HAUS2: variants seen among roughly 807,000 people sequenced by gnomAD.
HAUS2 encodes the protein HAUS augmin like complex subunit 2, also known as HAUS augmin-like complex subunit 2.
HAUS2 carries 20 observed loss-of-function variants against 21.6 expected under a neutral mutation model. That is an observed-to-expected ratio of 0.93 (90% CI 0.65 to 1.35). The LOEUF (loss-of-function observed/expected upper bound fraction) is 1.35, where lower values mean the gene tolerates loss of function less well. Among genes scored for constraint, HAUS2 ranks in the 40% most tolerant of loss-of-function variants. The probability of loss-of-function intolerance (pLI) is 0.00; values close to 1 mark genes in which losing one functional copy is unlikely to be tolerated. For synonymous variants in HAUS2, 113 were observed against 95.6 expected (o/e 1.18, Z -1.06); for missense variants, 297 against 280.7 (o/e 1.06, Z -0.42).
At chr15:42,561,529 A>G (rs1346013763) in intron 4 of HAUS2, 127 bp downstream of exon 4, 10 of 633,304 alleles carry the variant, frequency 1.6e-5, no homozygotes, top group Non-Finnish European at 2.8e-5. Context: ...ATTAATGGTG[A>G]TATATTAAAT....
At chr15:42,555,053 G>C (rs1301237340) in intron 1 of HAUS2, among the ~76,000 whole-genome samples, 1 of 150,840 alleles carries the variant, frequency 6.6e-6, no homozygotes, top group Admixed American at 6.6e-5. Context: ...GCAATGGCGT[G>C]ATCTCTGCTC....
At chr15:42,559,635 G>A (rs2057828511) in intron 3 of HAUS2, among the ~76,000 whole-genome samples, 1 of 152,154 alleles carries the variant, frequency 6.6e-6, no homozygotes. Flanking sequence ...AGGAGAACTT[G>A]AAAGACAAAG....
chr15:42,552,207 A>G (rs1415522641), intron 1 of HAUS2, among the ~76,000 whole-genome samples: 4 of 152,034 alleles, frequency 2.6e-5, no homozygotes, highest in African/African-American at 9.7e-5. Context: ...AATTTTTAGT[A>G]GAGATGGGGT....
At chr15:42,557,890 G>T (rs2057803962) in intron 1 of HAUS2, among the ~76,000 whole-genome samples, 2 of 152,062 alleles carry the variant, frequency 1.3e-5, no homozygotes, top group Admixed American at 1.3e-4. Context: ...AACAAATTTA[G>T]CCTTTGAATC....
chr15:42,566,813 GTAGTCATCAACTT>G lies in HAUS2; in HGVS notation c.708_*12del, dbSNP rs1166583607. 6.9e-7 allele frequency: 1 copy of G among 1,450,540 alleles called. No homozygotes were observed. Among genetic ancestry groups the G allele is most frequent in the East Asian group, 2.3e-5 (1 of 44,030 alleles). 89.9% of individuals were successfully genotyped at this position (1,450,540 alleles called of 1,614,324 possible). On this transcript the variant is annotated stop_lost and 3_prime_UTR_variant, in exon 6 of 6. Transcript: ENST00000260372. ...TTCATGTCCAAACTATTAATGCCAAGTAGTCATCAACTTTATTTTTGCTTAATTATGTGTAGTC... is the reference window on the plus strand; with the variant it reads ...TTCATGTCCAAACTATTAATGCCAAGTATTTTTGCTTAATTATGTGTAGTC...
At chr15:42,551,755 T>C (rs2057727944) in intron 1 of HAUS2, among the ~76,000 whole-genome samples, 1 of 152,104 alleles carries the variant, frequency 6.6e-6, no homozygotes, top group Non-Finnish European at 1.5e-5. Context: ...TTTCAGGCAT[T>C]GATGGGTGAA....
chr15:42,562,939 C>T (rs2057865692), intron 4 of HAUS2, among the ~76,000 whole-genome samples: 1 of 151,964 alleles, frequency 6.6e-6, no homozygotes, highest in Non-Finnish European at 1.5e-5. Context: ...ATGACAAAAC[C>T]CTGTGTCTAC....
At chr15:42,555,594 T>C (rs2057764756) in intron 1 of HAUS2, among the ~76,000 whole-genome samples, 1 of 152,214 alleles carries the variant, frequency 6.6e-6, no homozygotes, top group Non-Finnish European at 1.5e-5. Context: ...TTTTCACATA[T>C]ATGCTAACAC....
chr15:42,552,104 C>A (rs2057731682), intron 1 of HAUS2, among the ~76,000 whole-genome samples: 1 of 151,982 alleles, frequency 6.6e-6, no homozygotes. Flanking sequence ...CTCACTGCAA[C>A]CTCCGCCTCC....
At chr15:42,552,805 C>G (rs181625416) in intron 1 of HAUS2, among the ~76,000 whole-genome samples, 1 of 152,096 alleles carries the variant, frequency 6.6e-6, no homozygotes, top group Non-Finnish European at 1.5e-5. Context: ...GTGTCCTACT[C>G]TCCTCTATAC....
intron 1 of HAUS2, 77 bp downstream of exon 1, chr15:42,549,042 G>T (rs769559137): frequency 1.8e-5 from 17 of 939,620 alleles, no homozygotes; most frequent in Non-Finnish European, 2.5e-5. Context: ...GGTGCTGCTG[G>T]CTGTGGGAGT....
At chr15:42,557,655 AAAG>A (rs1232831007) in intron 1 of HAUS2, among the ~76,000 whole-genome samples, 1 of 151,516 alleles carries the variant, frequency 6.6e-6, no homozygotes, top group Non-Finnish European at 1.5e-5. Context: ...AAAGGATGAA[AAAG>A]AAGGGGTAAC....
intron 5 of HAUS2, 43 bp downstream of exon 5, chr15:42,563,900 A>C: frequency 1.1e-6 from 1 of 901,898 alleles, no homozygotes; most frequent in Non-Finnish European, 1.8e-6. Context: ...TTTACTAGAA[A>C]CTTAGAGGTG....
chr15:42,565,137 A>T (rs770319286), intron 5 of HAUS2, among the ~76,000 whole-genome samples: 1 of 152,100 alleles, frequency 6.6e-6, no homozygotes, highest in Non-Finnish European at 1.5e-5. Flanking sequence ...GCACTTGCCA[A>T]AGTAAGCTGA....
intron 4 of HAUS2, 25 bp downstream of exon 4, chr15:42,561,427 C>T (rs1457041616): frequency 1.3e-6 from 2 of 1,525,226 alleles, no homozygotes; most frequent in Non-Finnish European, 1.8e-6. Context: ...TAGAAATTAA[C>T]AGTTACACCT....
In HAUS2 at chr15:42,563,177, GAGGCCA is replaced by G. The variant is rs2057868002; in HGVS notation, c.390-567_390-562del. On this transcript the variant is annotated intron_variant, in intron 4 of 5. Transcript: ENST00000260372. Reference sequence around the variant, plus strand: ...CATGCCTGTAATCCCAGCACTTTGGGAGGCCAAGGCTGGTGGATCACAAGGTCAGGA... The same window carrying G: ...CATGCCTGTAATCCCAGCACTTTGGGAGGCTGGTGGATCACAAGGTCAGGA... 2.6e-5 allele frequency among the ~76,000 whole-genome samples: 4 copies of G among 151,712 alleles called. No individual in the cohort carries two copies. In the East Asian group the frequency reaches 5.8e-4, roughly 22 times the overall value.
chr15:42,556,419 C>G (rs1276102005), intron 1 of HAUS2, among the ~76,000 whole-genome samples: 2 of 151,194 alleles, frequency 1.3e-5, no homozygotes, highest in East Asian at 2.0e-4. Flanking sequence ...GTGCACCACT[C>G]CTGCCTGGCT....
At position 42,561,298 on chromosome 15, in the gene HAUS2, G is replaced by T. The variant is rs754565114; in HGVS notation, c.285G>T (p.Met95Ile). The change falls in exon 4 of 6, where the codon ATG becomes ATT. Residue 95 changes from methionine to isoleucine, a missense_variant. Transcript: ENST00000260372. ...AGAAGTGTCATACTCTGCAAAGCAT[G>T]AATAATCATTTGGAAGCAGTGCTGA... The part of the protein sequence containing the change: ...LAQKCHTLQS[M>I]NNHLEAVLKE... 3.8e-6 allele frequency: 6 copies of T among 1,567,110 alleles called. No individual in the cohort carries two copies. In the African/African-American group the frequency reaches 6.8e-5, roughly 18 times the overall value.
At chr15:42,558,143 G>T (rs1435328256) in intron 1 of HAUS2, 55 bp from the exon 2 acceptor site, 1 of 763,332 alleles carries the variant, frequency 1.3e-6, no homozygotes, top group East Asian at 2.5e-5. Flanking sequence ...CTATTCCAAT[G>T]TACCTAGAAA....
Sources: allele counts gnomAD v4.1 joint callset (sites outside exome capture counted in the v4.1 genomes callset), GRCh38; gene constraint gnomAD v4.1.1; transcripts MANE v1.5; gene names NCBI Gene and HGNC (gene_info 2026-07-23, HGNC 2026-07-21).